Variants in FAM135B observed in about 807,000 individuals in gnomAD.
The protein encoded by FAM135B is protein FAM135B.
Under a neutral mutation model 127.7 loss-of-function variants are expected in FAM135B, and 43 were observed. The ratio of observed to expected loss-of-function variants is 0.34; its 90% confidence interval spans 0.26 to 0.43. The LOEUF is 0.43. Ranked by LOEUF, FAM135B falls within the 20% of genes least tolerant of loss-of-function variation. The pLI is 1.00. For missense variants in FAM135B, 1,558 were observed against 1,725.6 expected (o/e 0.90, Z 1.72); for synonymous variants, 670 against 665.1 (o/e 1.01, Z -0.11).
intron 7 of FAM135B, among the ~76,000 whole-genome samples, chr8:138,209,751 G>C (rs1817994163): frequency 6.6e-6 from 1 of 152,170 alleles, no homozygotes; most frequent in South Asian, 2.1e-4. Context: ...CCTTAGGAAA[G>C]TTGTAATCAT....
intron 12 of FAM135B, among the ~76,000 whole-genome samples, chr8:138,166,389 A>G (rs1819925725): frequency 1.3e-5 from 2 of 152,346 alleles, no homozygotes; most frequent in East Asian, 1.9e-4. Flanking sequence ...CATGTGTGAA[A>G]GCAGCAAAAC....
At chr8:138,217,113 C>T (rs1818606661) in intron 7 of FAM135B, among the ~76,000 whole-genome samples, 2 of 152,184 alleles carry the variant, frequency 1.3e-5, no homozygotes, top group Admixed American at 1.3e-4. Flanking sequence ...TCATCACCAC[C>T]ATCATCAACA....
intron 12 of FAM135B, among the ~76,000 whole-genome samples, chr8:138,163,562 A>G (rs1819614620): frequency 6.6e-6 from 1 of 152,010 alleles, no homozygotes; most frequent in African/African-American, 2.4e-5. Context: ...ACCTCACAAG[A>G]TCTGATGGTT....
chr8:138,194,468 TC>T (rs1314219490), intron 9 of FAM135B, among the ~76,000 whole-genome samples: 1 of 152,196 alleles, frequency 6.6e-6, no homozygotes, highest in Non-Finnish European at 1.5e-5. Flanking sequence ...TGAACTCCAA[TC>T]CCAGATACTC....
In FAM135B at chr8:138,153,046, T is replaced by C. The variant is rs7835830; in HGVS notation, c.1429A>G (p.Ile477Val). 1,106,261 of 1,613,080 alleles carry C rather than the reference T, an allele frequency of 0.69. 380,267 individuals are homozygous for C. The highest frequency in any genetic ancestry group is 0.79 in the East Asian group (35,222 of 44,822). ...PSQMDSDEEVIRCPEPGENVA... is the reference protein window; with the variant it reads ...PSQMDSDEEVVRCPEPGENVA... The stretch of plus-strand genomic sequence containing the variant: ...TTCTCACCTGGCTCTGGACACCTTA[T>C]AACTTCTTCATCAGAATCCATTTGG... The change falls in exon 13 of 20, where the codon ATA (isoleucine) becomes GTA (valine). Residue 477 changes from isoleucine to valine, a missense_variant. By Grantham distance (29) the Ile-to-Val change is conservative. Transcript: ENST00000395297.
chr8:138,368,691 A>T (rs1286024410), intron 1 of FAM135B, among the ~76,000 whole-genome samples: 1 of 152,126 alleles, frequency 6.6e-6, no homozygotes, highest in African/African-American at 2.4e-5. Context: ...CAGGTTGCTA[A>T]TTTTCCAATT....
intron 13 of FAM135B, 114 bp from the exon 14 acceptor site, chr8:138,148,800 G>T: frequency 1.5e-6 from 1 of 685,506 alleles, no homozygotes; most frequent in Non-Finnish European, 2.4e-6. Context: ...TGCCTGCTGA[G>T]TGGCAAAGCT....
chr8:138,378,668 C>T (rs1335858534), intron 1 of FAM135B, among the ~76,000 whole-genome samples: 1 of 152,056 alleles, frequency 6.6e-6, no homozygotes, highest in African/African-American at 2.4e-5. Flanking sequence ...AGGCATTCAC[C>T]CCCTTAATGT....
intron 1 of FAM135B, among the ~76,000 whole-genome samples, chr8:138,444,683 C>T (rs1322482046): frequency 6.6e-6 from 1 of 151,834 alleles, no homozygotes; most frequent in Non-Finnish European, 1.5e-5. Flanking sequence ...GCACTAAATG[C>T]CCACAAGAGA....
chr8:138,316,620 C>A (rs1827114340), intron 2 of FAM135B, among the ~76,000 whole-genome samples: 1 of 152,188 alleles, frequency 6.6e-6, no homozygotes, highest in Non-Finnish European at 1.5e-5. Flanking sequence ...GTGGATCACT[C>A]ACACATTGCT....
At chr8:138,137,569 C>T (rs1816772059) in intron 18 of FAM135B, among the ~76,000 whole-genome samples, 1 of 152,084 alleles carries the variant, frequency 6.6e-6, no homozygotes, top group South Asian at 2.1e-4. Flanking sequence ...CAGAAAGCTA[C>T]TCTGGACACA....
intron 1 of FAM135B, among the ~76,000 whole-genome samples, chr8:138,388,715 A>G (rs1176581989): frequency 1.3e-5 from 2 of 152,238 alleles, no homozygotes; most frequent in African/African-American, 4.8e-5. Context: ...CAGTAAGAAG[A>G]TGAGTGGTGA....
intron 1 of FAM135B, among the ~76,000 whole-genome samples, chr8:138,421,226 T>C (rs1183032464): frequency 6.6e-6 from 1 of 152,066 alleles, no homozygotes; most frequent in African/African-American, 2.4e-5. Flanking sequence ...GGCAGGAGAA[T>C]GGCATGAACT....
intron 4 of FAM135B, among the ~76,000 whole-genome samples, chr8:138,263,831 G>T (rs1056599061): frequency 6.6e-6 from 1 of 152,162 alleles, no homozygotes; most frequent in African/African-American, 2.4e-5. Flanking sequence ...TCCATGTTGG[G>T]TATCCACAGT....
At chr8:138,163,480 G>A (rs942236678) in intron 12 of FAM135B, among the ~76,000 whole-genome samples, 1 of 152,084 alleles carries the variant, frequency 6.6e-6, no homozygotes, top group African/African-American at 2.4e-5. Flanking sequence ...CATATGTTGT[G>A]GGAGGGACCT....
At chr8:138,405,745 G>A (rs1299420871) in intron 1 of FAM135B, among the ~76,000 whole-genome samples, 2 of 152,096 alleles carry the variant, frequency 1.3e-5, no homozygotes, top group East Asian at 3.9e-4. Context: ...GGGATGGCTG[G>A]GACAAATGGT....
At chr8:138,134,876 A>T (rs1482377516) in intron 19 of FAM135B, among the ~76,000 whole-genome samples, 1 of 152,208 alleles carries the variant, frequency 6.6e-6, no homozygotes, top group Non-Finnish European at 1.5e-5. Context: ...TTTAAGTCAT[A>T]TATTAATATC....
At chr8:138,211,406 C>T (rs1156534996) in intron 7 of FAM135B, among the ~76,000 whole-genome samples, 1 of 152,154 alleles carries the variant, frequency 6.6e-6, no homozygotes, top group Non-Finnish European at 1.5e-5. Flanking sequence ...CAACAGTTTC[C>T]TACAAAATCA....
At chr8:138,195,633 T>TACACAC (rs34987954) in intron 8 of FAM135B, among the ~76,000 whole-genome samples, 10 of 149,666 alleles carry the variant, frequency 6.7e-5, no homozygotes, top group African/African-American at 2.5e-4. Context: ...TTTTTGCAGG[T>TACACAC]ACACACACAC....
Sources: allele counts gnomAD v4.1 joint callset (sites outside exome capture counted in the v4.1 genomes callset), GRCh38; gene constraint gnomAD v4.1.1; transcripts MANE v1.5; gene names NCBI Gene and HGNC (gene_info 2026-07-23, HGNC 2026-07-21).